The following DALRD3 variants were observed in gnomAD, a reference collection of about 807,000 sequenced individuals.
DALRD3 encodes the protein DALR anticodon-binding domain-containing protein 3.
A neutral mutation model predicts 56.7 loss-of-function variants in DALRD3; 47 were observed. The observed-to-expected ratio is 0.83, with a 90% CI of 0.66 to 1.06. DALRD3 has a LOEUF of 1.06. DALRD3 is among the 50% of genes least tolerant of loss of function. The pLI, the probability that DALRD3 is intolerant of heterozygous loss-of-function variation, is 0.00. For missense variants in DALRD3, 787 were observed against 724.0 expected, an observed-to-expected ratio of 1.09 and a Z score of -1.00; for synonymous variants, 347 against 308.5, an observed-to-expected ratio of 1.12 and a Z score of -1.31.
rs369378004 is a variant in DALRD3 at position 49,015,888 on chromosome 3, G to A, written c.1444-16C>T. 9.3e-6 allele frequency: 15 copies of A among 1,614,096 alleles called. No homozygotes were observed. In the African/African-American group the frequency reaches 1.5e-4, roughly 16 times the overall value. ...ACTTGCATATCTAGAGACAGAGACT[G>A]AGTCACTGGCCCATCTCTTTGCTCT... On this transcript the variant is annotated splice_polypyrimidine_tract_variant and intron_variant, in intron 10 of 11. Transcript: ENST00000341949.
chr3:49,019,869 C>T (rs938780483), upstream of DALRD3, among the ~76,000 whole-genome samples: 7 of 152,178 alleles, frequency 4.6e-5, no homozygotes, highest in Admixed American at 1.3e-4. Flanking sequence ...CATTTACGGG[C>T]CAACCAAATA....
At position 49,018,381 on chromosome 3, in the gene DALRD3, C is replaced by A; in HGVS notation, c.165+19G>T. ...GGGCCCATCTCCCGGCCGCACGGCC[C>A]CGCCCGGCTCACGCCCACCTGGCCG... On this transcript the variant is annotated intron_variant, in intron 1 of 11. Coordinates refer to ENST00000341949, the MANE Select transcript of DALRD3 (RefSeq NM_001009996.3). The A allele has an allele frequency of 1.3e-6, 2 of 1,546,278 alleles. No homozygotes were observed. Among genetic ancestry groups the A allele is most frequent in the Non-Finnish European group, 8.7e-7 (1 of 1,148,570 alleles).
rs771077285 is a variant in DALRD3 at position 49,016,160 on chromosome 3, C to T, written c.1327G>A (p.Glu443Lys). The T allele has an allele frequency of 2.9e-5, 47 of 1,613,722 alleles. No individual in the cohort carries two copies. The highest frequency in any genetic ancestry group is 4.0e-5 in the Non-Finnish European group (47 of 1,179,778). Residue 443 changes from glutamate (E) to lysine (K), a missense_variant and splice_region_variant, in exon 9 of 12, where the codon GAG (glutamate) becomes AAG (lysine). By Grantham distance (56) the Glu-to-Lys change is moderately conservative. Coordinates refer to ENST00000341949, the MANE Select transcript of DALRD3 (RefSeq NM_001009996.3). ...SSLDFSLLHD[E>K]GEWLLLFNSI... ...CAGCTACCAGGAGGGACACTCACCTCATCATGTAGCAGTGAGAAGTCCAGA... is the reference window on the plus strand; with the variant it reads ...CAGCTACCAGGAGGGACACTCACCTTATCATGTAGCAGTGAGAAGTCCAGA...
chr3:49,018,476 G>T lies in DALRD3; in HGVS notation c.89C>A (p.Thr30Lys). 6.3e-7 allele frequency: 1 copy of T among 1,588,218 alleles called. No homozygotes were observed. The highest frequency in any genetic ancestry group is 8.6e-7 in the Non-Finnish European group (1 of 1,167,486). Residue 30 changes from threonine to lysine, a missense_variant, in exon 1 of 12, where the codon ACG (threonine) becomes AAG (lysine). Coordinates refer to ENST00000341949, the MANE Select transcript of DALRD3 (RefSeq NM_001009996.3). ...GPGGPVWIKE[T>K]RTRHLRSRDF... Reference sequence around the variant, plus strand: ...TCGGGAACGCAGGTGGCGGGTGCGCGTCTCCTTGATCCACACCGGACCGCC... The same window carrying T: ...TCGGGAACGCAGGTGGCGGGTGCGCTTCTCCTTGATCCACACCGGACCGCC...
chr3:49,018,133 G>C lies in DALRD3; in HGVS notation c.351C>G (p.Arg117=), dbSNP rs2093112976. ...TPASPASLGQ[R]VLLHCPALRS... ...GCAGTGCTGGGCAGTGTAGTAAGAC[G>C]CGCTGGCCCAGCGAGGCAGGCGAGG... Residue 117 remains arginine, a synonymous_variant, in exon 2 of 12, where the codon CGC becomes CGG. Transcript: ENST00000341949. The C allele has an allele frequency of 6.8e-7, 1 of 1,467,826 alleles. No individual in the cohort carries two copies. Among genetic ancestry groups the C allele is most frequent in the Non-Finnish European group, 8.9e-7 (1 of 1,120,480 alleles). The allele number at this position is 1,467,826 out of a possible 1,614,324, so 90.9% of individuals were successfully genotyped here. A position where few individuals can be genotyped will look rare whatever the true frequency, so the allele number is the denominator to read the frequency against.
chr3:49,016,863 CAG>C lies in DALRD3; in HGVS notation c.928-18_928-17del, dbSNP rs2093084765. On this transcript the variant is annotated splice_polypyrimidine_tract_variant and intron_variant, in intron 5 of 11. Coordinates refer to ENST00000341949, the MANE Select transcript of DALRD3 (RefSeq NM_001009996.3). ...TGAGGTGCTTCTGTCAGAAAGATGT[CAG>C]GGGCTCAGCCTAGTTGGCGCTACTC... The C allele has an allele frequency of 2.5e-6, 4 of 1,614,124 alleles. No homozygotes were observed. The highest frequency in any genetic ancestry group is 2.2e-5 in the East Asian group (1 of 44,884).
In DALRD3 at chr3:49,015,488, T is replaced by C; in HGVS notation, c.*100A>G. The C allele has an allele frequency of 6.4e-7, 1 of 1,561,304 alleles. No individual in the cohort carries two copies. Among genetic ancestry groups the C allele is most frequent in the East Asian group, 2.3e-5 (1 of 44,332 alleles). On this transcript the variant is annotated 3_prime_UTR_variant, in exon 12 of 12. Coordinates refer to ENST00000341949, the MANE Select transcript of DALRD3 (RefSeq NM_001009996.3). ...CCGACTCCCCATGACAAGACAGAACTTTGTAACAAACAGTACCAATTTATT... is the reference window on the plus strand; with the variant it reads ...CCGACTCCCCATGACAAGACAGAACCTTGTAACAAACAGTACCAATTTATT...
Position 49,018,537 on chromosome 3 carries a change from C to G in DALRD3, c.28G>C (p.Glu10Gln), listed in dbSNP as rs1379282390. Reference sequence around the variant, plus strand: ...GCCGCGTTGAGGGCCCCCAGCGTCTCCCCGACCCCAAGGCGCCTGGTCGCC... The same window carrying G: ...GCCGCGTTGAGGGCCCCCAGCGTCTGCCCGACCCCAAGGCGCCTGGTCGCC... MATRRLGVG[E>Q]TLGALNAALG... Residue 10 changes from glutamate to glutamine, a missense_variant, in exon 1 of 12, where the codon GAG becomes CAG. Physicochemically the swap from Glu to Gln is conservative, Grantham distance 29. Coordinates refer to ENST00000341949, the MANE Select transcript of DALRD3 (RefSeq NM_001009996.3). 6 of 1,581,732 alleles carry G rather than the reference C, an allele frequency of 3.8e-6. No homozygotes were observed. In the South Asian group the frequency reaches 6.9e-5, roughly 18 times the overall value.
chr3:49,016,935 G>C, intron 5 of DALRD3, 88 bp from the exon 6 acceptor site: 2 of 1,466,346 alleles, frequency 1.4e-6, no homozygotes, highest in Non-Finnish European at 1.9e-6. Context: ...CCTCTACTCA[G>C]CCCAGACTCC....
At chr3:49,020,675 C>T (rs747850562), upstream of DALRD3, 1 of 492,906 alleles carries the variant, frequency 2.0e-6, no homozygotes, top group Non-Finnish European at 4.2e-6. Context: ...GAGACAACAG[C>T]TGCTTTTGGG....
Position 49,017,440 on chromosome 3 carries a change from TG to T in DALRD3, c.791del (p.Pro264GlnfsTer54), listed in dbSNP as rs1204582357. 7 of 1,613,998 alleles carry T rather than the reference TG, an allele frequency of 4.3e-6. No individual in the cohort carries two copies. The highest frequency in any genetic ancestry group is 5.9e-6 in the Non-Finnish European group (7 of 1,180,040). On this transcript the variant is annotated frameshift_variant, in exon 4 of 12. Coordinates refer to ENST00000341949, the MANE Select transcript of DALRD3 (RefSeq NM_001009996.3). LOFTEE classifies it high-confidence loss of function. ...AGGGCTGGGAGTCACTAACCAGGCCTGGGTGGCTGTCCTCGGGCCAATGCCA... is the reference window on the plus strand; with the variant it reads ...AGGGCTGGGAGTCACTAACCAGGCCTGGTGGCTGTCCTCGGGCCAATGCCA... ...ALWHWPEDSH[P>X]GLAGASDTGT...
chr3:49,020,737 C>T (rs942698826), upstream of DALRD3: 2 of 467,498 alleles, frequency 4.3e-6, no homozygotes, highest in Non-Finnish European at 8.9e-6. Flanking sequence ...AGCTCCTGCC[C>T]CCAGGTCACT....
intron 4 of DALRD3, 23 bp from the exon 5 acceptor site, chr3:49,017,379 G>A (rs752184451): frequency 8.1e-6 from 13 of 1,614,110 alleles, no homozygotes; most frequent in Non-Finnish European, 1.0e-5. Flanking sequence ...AATCATAACT[G>A]TGGAAGTACA....
Position 49,016,248 on chromosome 3 carries a change from G to A in DALRD3, c.1239C>T (p.Leu413=), listed in dbSNP as rs748714328. Reference sequence around the variant, plus strand: ...CCATACTACACTTGTAACTCTCAAAGAGTGTGGCAAGACGGGCACAATTAT... The same window carrying A: ...CCATACTACACTTGTAACTCTCAAAAAGTGTGGCAAGACGGGCACAATTAT... ...VMYNCARLAT[L]FESYKCSMEQ... is the part of the protein sequence containing the mutation. The change falls in exon 9 of 12, where the codon CTC becomes CTT. Residue 413 remains leucine, a synonymous_variant. Coordinates refer to ENST00000341949, the MANE Select transcript of DALRD3 (RefSeq NM_001009996.3). 6.2e-7 allele frequency: 1 copy of A among 1,614,184 alleles called. No individual in the cohort carries two copies. Among genetic ancestry groups the A allele is most frequent in the Non-Finnish European group, 8.5e-7 (1 of 1,180,020 alleles).
rs3087866 is a variant in DALRD3 at position 49,017,259 on chromosome 3, T to C, written c.896A>G (p.Gln299Arg). 1,283,245 of 1,614,052 alleles carry C rather than the reference T, an allele frequency of 0.8. 513,718 individuals are homozygous for C. Among genetic ancestry groups the C allele is most frequent in the East Asian group, 1 (44,878 of 44,892 alleles). ...FQQQKLDLLW[Q>R]KLVDKAPLRQ... ...GAGTGGAGCCTTGTCAACCAACTTC[T>C]GCCAAAGCAGGTCCAACTTCTGTTG... The change falls in exon 5 of 12, where the codon CAG becomes CGG. Residue 299 changes from glutamine to arginine, a missense_variant. Physicochemically the swap from Gln to Arg is conservative, Grantham distance 43. Coordinates refer to ENST00000341949, the MANE Select transcript of DALRD3 (RefSeq NM_001009996.3).
At chr3:49,018,933 C>T, upstream of DALRD3, 1 of 985,468 alleles carries the variant, frequency 1.0e-6, no homozygotes, top group Non-Finnish European at 1.2e-6. Flanking sequence ...CCATTTTACA[C>T]ATGATGAATA....
Position 49,016,950 on chromosome 3 carries a change from A to C in DALRD3, c.928-103T>G, listed in dbSNP as rs1575289338. 8.1e-6 allele frequency: 11 copies of C among 1,364,714 alleles called. No individual in the cohort carries two copies. The East Asian group carries it at 2.1e-4, about 26-fold the overall frequency. The allele number at this position is 1,364,714 out of a possible 1,614,324, so 84.5% of individuals were successfully genotyped here. ...CCTCTACTCAGCCCAGACTCCCTCA[A>C]ATTGGAACTGCCAGGTTGAGTGCCT... is the stretch of plus-strand genomic sequence containing the variant. On this transcript the variant is annotated intron_variant, in intron 5 of 11. Coordinates refer to ENST00000341949, the MANE Select transcript of DALRD3 (RefSeq NM_001009996.3).
At position 49,015,552 on chromosome 3, in the gene DALRD3, T is replaced by C; in HGVS notation, c.*36A>G. On this transcript the variant is annotated 3_prime_UTR_variant, in exon 12 of 12. Coordinates refer to ENST00000341949, the MANE Select transcript of DALRD3 (RefSeq NM_001009996.3). ...TTTGCTTTTTTTCCAGTTGATGACT[T>C]TGTGAACATTCCCAGGTATTGGAGC... The C allele has an allele frequency of 6.2e-7, 1 of 1,609,160 alleles. No individual in the cohort carries two copies. The highest frequency in any genetic ancestry group is 1.1e-5 in the South Asian group (1 of 90,124).
At chr3:49,018,862 C>A, upstream of DALRD3, 1 of 985,478 alleles carries the variant, frequency 1.0e-6, no homozygotes, top group Non-Finnish European at 1.2e-6. Context: ...GGCGCTTAGA[C>A]CGGGTACCGT....
Sources: allele counts gnomAD v4.1 joint callset (sites outside exome capture counted in the v4.1 genomes callset), GRCh38; gene constraint gnomAD v4.1.1; transcripts MANE v1.5; gene names NCBI Gene and HGNC (gene_info 2026-07-23, HGNC 2026-07-21).